The following APC variants were observed in gnomAD, a reference collection of about 807,000 sequenced individuals.
APC encodes adenomatous polyposis coli protein.
In APC, 72 loss-of-function variants were observed where a neutral mutation model predicts 247.0. That is an observed-to-expected ratio of 0.29 (90% confidence interval 0.24 to 0.35). The LOEUF (loss-of-function observed/expected upper bound fraction) is 0.35, where lower values mean the gene tolerates loss of function less well. APC is among the 10% of genes least tolerant of loss of function. The pLI is 1.00. For synonymous variants in APC, 1,254 were observed against 1,162.5 expected (o/e 1.08, Z -1.60); for missense variants, 3,400 against 3,360.7 (o/e 1.01, Z -0.29).
intron 6 of APC, among the ~76,000 whole-genome samples, chr5:112,786,335 C>G (rs766582883): frequency 1.3e-5 from 2 of 152,180 alleles, no homozygotes; most frequent in East Asian, 3.9e-4. Flanking sequence ...ACACAGATGA[C>G]TAGTAAATAA....
At chr5:112,750,862 T>C (rs1383526558) in intron 1 of APC, among the ~76,000 whole-genome samples, 2 of 152,194 alleles carry the variant, frequency 1.3e-5, no homozygotes, top group Admixed American at 1.3e-4. Context: ...CATTTAAATC[T>C]CTGTTCCTTT....
chr5:112,740,222 A>T (rs1752830938), intron 1 of APC, among the ~76,000 whole-genome samples: 1 of 152,240 alleles, frequency 6.6e-6, no homozygotes. Flanking sequence ...TTTCATAATG[A>T]CATTCATAAA....
chr5:112,735,323 G>A (rs887060026), upstream of APC, among the ~76,000 whole-genome samples: 9 of 151,970 alleles, frequency 5.9e-5, no homozygotes, highest in African/African-American at 1.5e-4. Flanking sequence ...CCACAGGCGC[G>A]TGTCACCACA....
intron 2 of APC, among the ~76,000 whole-genome samples, chr5:112,760,661 A>G (rs1166138477): frequency 6.6e-6 from 1 of 152,200 alleles, no homozygotes; most frequent in Non-Finnish European, 1.5e-5. Context: ...GATAAATGTC[A>G]GATTTTGATA....
intron 7 of APC, among the ~76,000 whole-genome samples, chr5:112,795,190 C>T (rs1760074466): frequency 6.6e-6 from 1 of 152,180 alleles, no homozygotes; most frequent in Non-Finnish European, 1.5e-5. Flanking sequence ...CCATGCCTGG[C>T]TAATATTTTG....
rs878853429 is a variant in APC at position 112,838,263 on chromosome 5, T to C, written c.2669T>C (p.Val890Ala). The stretch of plus-strand genomic sequence containing the variant: ...ACCACTGCAGCCCAGATTGCCAAAG[T>C]CATGGAAGAAGTGTCAGCCATTCAT... ...ISTTAAQIAKVMEEVSAIHTS... is the reference protein window; with the variant it reads ...ISTTAAQIAKAMEEVSAIHTS... Residue 890 changes from valine (V) to alanine (A), a missense_variant, in exon 16 of 16, where the codon GTC becomes GCC. By Grantham distance (64) the Val-to-Ala change is moderately conservative. Around this residue, in one of 9 missense-constraint regions of APC, gnomAD observed 715 missense variants for 656.6 expected, o/e 1.09. Transcript: ENST00000257430. 6.2e-7 allele frequency: 1 copy of C among 1,614,056 alleles called. No individual in the cohort carries two copies. Among genetic ancestry groups the C allele is most frequent in the Non-Finnish European group, 8.5e-7 (1 of 1,180,048 alleles).
At chr5:112,819,888 A>G (rs1458195169) in intron 10 of APC, among the ~76,000 whole-genome samples, 4 of 152,188 alleles carry the variant, frequency 2.6e-5, no homozygotes, top group East Asian at 1.9e-4. Flanking sequence ...GGACTTAACC[A>G]TGGCCTCACA....
In APC at chr5:112,792,503, T is replaced by G. The variant is rs750221991; in HGVS notation, c.703T>G (p.Leu235Val). ...EKDILRIRQLLQSQATEAERS... is the reference protein window; with the variant it reads ...EKDILRIRQLVQSQATEAERS... ...GGACATACTTCGTATACGACAGCTT[T>G]TACAGTCCCAAGCAACAGAAGCAGA... is the stretch of plus-strand genomic sequence containing the variant. The change falls in exon 7 of 16, where the codon TTA becomes GTA. Residue 235 changes from leucine (L) to valine (V), a missense_variant. This residue lies in a region of APC where 372 missense variants were observed against 367.6 expected (regional missense o/e 1.01). Transcript: ENST00000257430. The G allele has an allele frequency of 6.2e-7, 1 of 1,612,734 alleles. No individual in the cohort carries two copies. Among genetic ancestry groups the G allele is most frequent in the East Asian group, 2.2e-5 (1 of 44,674 alleles).
At chr5:112,717,908 C>CTTTTTTTTTTTTTTTTTTTTTTTTTTTTT in intron 1 of APC, among the ~76,000 whole-genome samples, 536 of 40,676 alleles carry the variant, frequency 0.013, 206 homozygotes, top group East Asian at 0.036. Context: ...TTTTCTTTTT[C>CTTTTTTTTTTTTTTTTTTTTTTTTTTTTT]TTTTTTTTTT....
chr5:112,744,438 A>G (rs1753411091), intron 1 of APC, among the ~76,000 whole-genome samples: 1 of 152,214 alleles, frequency 6.6e-6, no homozygotes, highest in Non-Finnish European at 1.5e-5. Context: ...TAAGTATTAG[A>G]TATAGACCTT....
At chr5:112,751,194 T>C (rs1754322580) in intron 1 of APC, among the ~76,000 whole-genome samples, 1 of 152,106 alleles carries the variant, frequency 6.6e-6, no homozygotes, top group Non-Finnish European at 1.5e-5. Flanking sequence ...ATTAACATCT[T>C]ATATATCTGT....
chr5:112,769,819 T>A (rs976122022), intron 4 of APC, among the ~76,000 whole-genome samples: 13 of 152,364 alleles, frequency 8.5e-5, no homozygotes, highest in African/African-American at 3.1e-4. Context: ...GTTTCATATA[T>A]GCCCATTTAT....
chr5:112,721,959 T>C (rs2149657964), intron 1 of APC, among the ~76,000 whole-genome samples: 1 of 152,294 alleles, frequency 6.6e-6, no homozygotes, highest in South Asian at 2.1e-4. Flanking sequence ...AAAGCCATCC[T>C]GGGCCATGCA....
At chr5:112,836,165 T>TCCC (rs59050067) in intron 15 of APC, among the ~76,000 whole-genome samples, 14 of 24,482 alleles carry the variant, frequency 5.7e-4, no homozygotes, top group African/African-American at 1.3e-3. Context: ...GGATTACAGG[T>TCCC]CCCCCCCCCC....
At chr5:112,835,516 C>G (rs1219257535) in intron 15 of APC, among the ~76,000 whole-genome samples, 4 of 151,296 alleles carry the variant, frequency 2.6e-5, no homozygotes, top group African/African-American at 9.7e-5. Flanking sequence ...TGAGCGTGAT[C>G]CAGAGAATAT....
At chr5:112,745,031 G>T (rs464002) in intron 1 of APC, among the ~76,000 whole-genome samples, 1 of 151,888 alleles carries the variant, frequency 6.6e-6, no homozygotes, top group Non-Finnish European at 1.5e-5. Flanking sequence ...TTTACATTAC[G>T]TGAGATATTG....
chr5:112,826,714 C>T (rs1174994112), intron 11 of APC, among the ~76,000 whole-genome samples: 2 of 150,518 alleles, frequency 1.3e-5, no homozygotes, highest in Non-Finnish European at 2.9e-5. Context: ...CAGTGTATGA[C>T]AATAAAGAGT....
chr5:112,796,978 G>C (rs767347884), intron 7 of APC, among the ~76,000 whole-genome samples: 1 of 151,714 alleles, frequency 6.6e-6, no homozygotes, highest in Non-Finnish European at 1.5e-5. Context: ...ATTTAATGCT[G>C]TTCACCTTCA....
chr5:112,748,600 G>A lies in APC; in HGVS notation c.-18-6273G>A, dbSNP rs569485972. Reference sequence around the variant, plus strand: ...TGAAGTTTATAGCTGGGTGTGGAGCGCCTGTAATCCCAGCAGTTTGGGAGG... The same window carrying A: ...TGAAGTTTATAGCTGGGTGTGGAGCACCTGTAATCCCAGCAGTTTGGGAGG... On this transcript the variant is annotated intron_variant, in intron 1 of 15. Coordinates refer to ENST00000257430, the MANE Select transcript of APC (RefSeq NM_000038.6). 6.6e-5 allele frequency among the ~76,000 whole-genome samples: 10 copies of A among 152,132 alleles called. No homozygotes were observed. The South Asian group carries it at 1.5e-3, about 22-fold the overall frequency.
Sources: allele counts gnomAD v4.1 joint callset (sites outside exome capture counted in the v4.1 genomes callset), GRCh38; gene constraint gnomAD v4.1.1; regional missense constraint gnomAD v4.1.1; transcripts MANE v1.5; gene names NCBI Gene and HGNC (gene_info 2026-07-23, HGNC 2026-07-21).